Variants in PTBP2 observed in about 807,000 individuals in gnomAD.
PTBP2 encodes the protein polypyrimidine tract binding protein 2.
In PTBP2, 13 loss-of-function variants were observed where a neutral mutation model predicts 61.4. That is an observed-to-expected ratio of 0.21 (90% CI 0.14 to 0.34). The LOEUF is 0.34. Among genes scored for constraint, PTBP2 ranks in the 10% least tolerant of loss-of-function variants. PTBP2 has a pLI of 1.00. For missense variants in PTBP2, 405 were observed against 642.6 expected (o/e 0.63, Z 4.00); for synonymous variants, 215 against 218.5 (o/e 0.98, Z 0.14).
chr1:96,755,592 A>G (rs1232535289), intron 3 of PTBP2, among the ~76,000 whole-genome samples: 3 of 152,234 alleles, frequency 2.0e-5, no homozygotes, highest in East Asian at 3.8e-4. Flanking sequence ...CAACAGATGA[A>G]CTAATAAGTA....
chr1:96,761,940 T>C (rs1167215678), intron 3 of PTBP2, among the ~76,000 whole-genome samples: 5 of 151,910 alleles, frequency 3.3e-5, no homozygotes, highest in Non-Finnish European at 7.4e-5. Context: ...TGGTGATGAC[T>C]CTTAACGAGC....
downstream of PTBP2, chr1:96,816,581 T>G (rs910177910): frequency 5.3e-5 from 8 of 152,202 alleles, no homozygotes; most frequent in Non-Finnish European, 1.2e-4. Flanking sequence ...AAATTTTTCC[T>G]TAACCAGGAA....
At chr1:96,793,477 C>T (rs1252497459) in intron 8 of PTBP2, among the ~76,000 whole-genome samples, 1 of 152,142 alleles carries the variant, frequency 6.6e-6, no homozygotes, top group Non-Finnish European at 1.5e-5. Flanking sequence ...TCACGCCATT[C>T]TGCCGCCTCA....
chr1:96,819,679 C>T (rs1662613445), downstream of PTBP2: 1 of 150,662 alleles, frequency 6.6e-6, no homozygotes, highest in African/African-American at 2.4e-5. Flanking sequence ...TCCCCCCACT[C>T]CCTTTTTTTG....
intron 2 of PTBP2, among the ~76,000 whole-genome samples, chr1:96,739,618 G>GTT (rs772410191): frequency 8.8e-4 from 74 of 83,788 alleles, no homozygotes; most frequent in Non-Finnish European, 1.2e-3. Flanking sequence ...ACTGGTGTGT[G>GTT]TTTTTTTTTT....
intron 2 of PTBP2, among the ~76,000 whole-genome samples, chr1:96,724,331 A>G (rs542510226): frequency 4.6e-5 from 7 of 152,016 alleles, no homozygotes; most frequent in South Asian, 2.1e-4. Flanking sequence ...GCCCACTGCA[A>G]CCTCTGCCTC....
chr1:96,768,152 C>T (rs12354163), intron 3 of PTBP2, among the ~76,000 whole-genome samples: 30,955 of 151,940 alleles, frequency 0.2, 3,356 homozygotes, highest in African/African-American at 0.27. Context: ...CACTGTTTTA[C>T]CTCACAGCAT....
At chr1:96,797,132 G>A (rs1466392289) in intron 8 of PTBP2, among the ~76,000 whole-genome samples, 1 of 152,164 alleles carries the variant, frequency 6.6e-6, no homozygotes, top group Non-Finnish European at 1.5e-5. Flanking sequence ...ATGGGAAAGA[G>A]TGTGGTATGA....
intron 8 of PTBP2, 91 bp downstream of exon 8, chr1:96,785,345 T>A: frequency 1.9e-6 from 2 of 1,027,086 alleles, no homozygotes; most frequent in Non-Finnish European, 2.7e-6. Context: ...TTTTGGACCT[T>A]ACCAAATTGT....
chr1:96,737,503 T>C (rs1233610340), intron 2 of PTBP2, among the ~76,000 whole-genome samples: 1 of 152,114 alleles, frequency 6.6e-6, no homozygotes, highest in Non-Finnish European at 1.5e-5. Context: ...CAAAGTGAGC[T>C]TATATGTTAA....
intron 5 of PTBP2, among the ~76,000 whole-genome samples, chr1:96,773,216 A>G (rs1334736201): frequency 6.6e-6 from 1 of 151,556 alleles, no homozygotes; most frequent in Non-Finnish European, 1.5e-5. Flanking sequence ...TGGAAGCCCC[A>G]TTGAGAGGGG....
intron 7 of PTBP2, among the ~76,000 whole-genome samples, chr1:96,779,338 T>C (rs1658394900): frequency 6.6e-6 from 1 of 152,122 alleles, no homozygotes; most frequent in Non-Finnish European, 1.5e-5. Context: ...TACATTTTTC[T>C]TGGTGTGGAA....
intron 11 of PTBP2, among the ~76,000 whole-genome samples, chr1:96,808,127 G>C (rs933012070): frequency 2.0e-5 from 3 of 152,024 alleles, no homozygotes; most frequent in Admixed American, 6.6e-5. Flanking sequence ...GTAATTACCT[G>C]TGGTAGAATT....
Position 96,752,855 on chromosome 1 carries a change from G to T in PTBP2, c.115+1355G>T, listed in dbSNP as rs1438060360. Among the ~76,000 whole-genome samples, 4 of 152,026 alleles carry T rather than the reference G, an allele frequency of 2.6e-5. No homozygotes were observed. In the East Asian group the frequency reaches 7.7e-4, roughly 29 times the overall value. On this transcript the variant is annotated intron_variant, in intron 3 of 13. Transcript: ENST00000674951. ...TGTTGTTTGGAAGTGATGAGCAGAC[G>T]GTATAAGATCATCCTTGAGAGAAGG...
At chr1:96,740,595 C>T (rs2100851754) in intron 2 of PTBP2, among the ~76,000 whole-genome samples, 1 of 152,248 alleles carries the variant, frequency 6.6e-6, no homozygotes, top group South Asian at 2.1e-4. Flanking sequence ...CCATACTTCT[C>T]CACTCCAGGT....
At chr1:96,737,886 CT>C (rs973346922) in intron 2 of PTBP2, among the ~76,000 whole-genome samples, 2 of 150,960 alleles carry the variant, frequency 1.3e-5, no homozygotes, top group African/African-American at 2.4e-5. Flanking sequence ...AGTAACGTTT[CT>C]TTTTTTTTAC....
At chr1:96,758,910 ACT>A (rs1557717242) in intron 3 of PTBP2, among the ~76,000 whole-genome samples, 1 of 152,150 alleles carries the variant, frequency 6.6e-6, no homozygotes, top group Admixed American at 6.5e-5. Context: ...GACCTGAAGG[ACT>A]CTACAACAGA....
intron 8 of PTBP2, among the ~76,000 whole-genome samples, chr1:96,798,901 A>C (rs573445509): frequency 6.6e-6 from 1 of 152,328 alleles, no homozygotes; most frequent in African/African-American, 2.4e-5. Context: ...TATAGATACA[A>C]TTTCTAAATG....
In PTBP2 at chr1:96,723,449, G is replaced by A; in HGVS notation, c.9-115G>A. The A allele has an allele frequency of 6.5e-6, 5 of 772,374 alleles. 1 individual carries two copies. In the South Asian group the frequency reaches 1.3e-4, roughly 20 times the overall value. The allele number at this position is 772,374 out of a possible 1,614,324, so 47.8% of individuals were successfully genotyped here. ...TGTGGTATTTTTTATCCCCATCTGT[G>A]TGTGAGTGGCTGGAAGATTTATGAA... On this transcript the variant is annotated intron_variant, in intron 1 of 13. Transcript: ENST00000674951.
Sources: allele counts gnomAD v4.1 joint callset (sites outside exome capture counted in the v4.1 genomes callset), GRCh38; gene constraint gnomAD v4.1.1; transcripts MANE v1.5; gene names NCBI Gene and HGNC (gene_info 2026-07-23, HGNC 2026-07-21).